GPR21: variants seen among roughly 807,000 people sequenced by gnomAD.
GPR21 encodes the protein G protein-coupled receptor 21.
In GPR21, 9 loss-of-function variants were observed where a neutral mutation model predicts 21.5. The observed-to-expected ratio is 0.42, with a 90% CI of 0.25 to 0.73. The LOEUF is 0.73. Among genes scored for constraint, GPR21 ranks in the 30% least tolerant of loss-of-function variants. The pLI is 0.27. For missense variants in GPR21, 416 were observed against 428.9 expected (o/e 0.97, Z 0.27); for synonymous variants, 169 against 159.3 (o/e 1.06, Z -0.46).
At chr9:123,042,361 GA>G in the GPR21 span, among the ~76,000 whole-genome samples, 1 of 152,090 alleles carries the variant, frequency 6.6e-6, no homozygotes, top group African/African-American at 2.4e-5. Context: ...GCACTTTTGA[GA>G]AAAAGTTCTC....
At position 123,034,948 on chromosome 9, in the gene GPR21, T is replaced by C; in HGVS notation, c.382T>C (p.Tyr128His). The change falls in exon 2 of 2, where the codon TAC becomes CAC. Residue 128 changes from tyrosine (Y) to histidine (H), a missense_variant. Transcript: ENST00000616002. ...TCTGGCCTGTATCAGCATTGATAGA[T>C]ACATTGCCATTACTAAACCTTTAAC... ...ASLACISIDR[Y>H]IAITKPLTYN... 1.2e-6 allele frequency: 2 copies of C among 1,612,952 alleles called. No homozygotes were observed. Among genetic ancestry groups the C allele is most frequent in the Non-Finnish European group, 1.7e-6 (2 of 1,178,944 alleles).
chr9:123,039,090 C>T (rs1178346387), downstream of GPR21, among the ~76,000 whole-genome samples: 1 of 152,086 alleles, frequency 6.6e-6, no homozygotes, highest in Admixed American at 6.6e-5. Context: ...AAAATCATTA[C>T]TGTTATTTGT....
rs2131997821 is a variant in GPR21 at position 123,035,601 on chromosome 9, T to A, written c.1035T>A (p.Asn345Lys). The A allele has an allele frequency of 6.3e-7, 1 of 1,588,678 alleles. No individual in the cohort carries two copies. Among genetic ancestry groups the A allele is most frequent in the Non-Finnish European group, 8.5e-7 (1 of 1,170,542 alleles). Residue 345 changes from asparagine (N) to lysine (K), a missense_variant, in exon 2 of 2, where the codon AAT becomes AAA. By Grantham distance (94) the Asn-to-Lys change is moderately conservative (BLOSUM62 0). Coordinates refer to ENST00000616002, the MANE Select transcript of GPR21 (RefSeq NM_005294.3). ...CAGTTAGAAGCAAAGGCCCTCTTAA[T>A]GGATGTCATATCTGAAGTGGCTCAG... is the stretch of plus-strand genomic sequence containing the variant. ...PYTVRSKGPLNGCHI is the reference protein window; with the variant it reads ...PYTVRSKGPLKGCHI
At chr9:123,037,785 T>C (rs1014655893), downstream of GPR21, among the ~76,000 whole-genome samples, 1 of 152,146 alleles carries the variant, frequency 6.6e-6, no homozygotes, top group African/African-American at 2.4e-5. Flanking sequence ...TCCCCTTTAG[T>C]GGCTGGGGGT....
the GPR21 span, among the ~76,000 whole-genome samples, chr9:123,043,156 G>A: frequency 6.6e-6 from 1 of 152,136 alleles, no homozygotes; most frequent in Non-Finnish European, 1.5e-5. Flanking sequence ...GTACTTTCTC[G>A]GGAAGTTACT....
chr9:123,044,649 G>GTGTGTGTGTA, the GPR21 span, among the ~76,000 whole-genome samples: 5 of 151,990 alleles, frequency 3.3e-5, no homozygotes, highest in African/African-American at 1.2e-4. Flanking sequence ...GTGTGTGTGT[G>GTGTGTGTGTA]TGTGTATGTG....
chr9:123,041,955 A>C, the GPR21 span, among the ~76,000 whole-genome samples: 2 of 152,078 alleles, frequency 1.3e-5, no homozygotes, highest in Admixed American at 1.3e-4. Context: ...TCCCCATCCC[A>C]CCTGAATCCC....
chr9:123,045,977 T>G, the GPR21 span, among the ~76,000 whole-genome samples: 1 of 152,206 alleles, frequency 6.6e-6, no homozygotes, highest in East Asian at 1.9e-4. Flanking sequence ...GACTTCCAGG[T>G]CCTGCAAATT....
chr9:123,035,679 T>C, downstream of GPR21: 5 of 530,360 alleles, frequency 9.4e-6, no homozygotes, highest in South Asian at 1.4e-4. Flanking sequence ...TGTGTGTGTG[T>C]GTGTATTTTA....
rs773579952 is a variant in GPR21 at position 123,035,412 on chromosome 9, C to G, written c.846C>G (p.Asn282Lys). 3 of 1,614,190 alleles carry G rather than the reference C, an allele frequency of 1.9e-6. No individual in the cohort carries two copies. The highest frequency in any genetic ancestry group is 2.2e-5 in the South Asian group (2 of 91,088). The change falls in exon 2 of 2, where the codon AAC becomes AAG. Residue 282 changes from asparagine to lysine, a missense_variant. By Grantham distance (94) the Asn-to-Lys change is moderately conservative (BLOSUM62 0). Transcript: ENST00000616002. ...TGGAAAGCTCCACTGGCCACAGCAA[C>G]CGCTTCGCATCCTTCTTGACCACCT... ...FLLESSTGHSNRFASFLTTWL... is the reference protein window; with the variant it reads ...FLLESSTGHSKRFASFLTTWL...
chr9:123,039,354 G>T (rs1417254824), downstream of GPR21, among the ~76,000 whole-genome samples: 1 of 152,126 alleles, frequency 6.6e-6, no homozygotes, highest in Non-Finnish European at 1.5e-5. Context: ...TATCTGTCTG[G>T]TTAATATCTT....
At chr9:123,042,566 T>C in the GPR21 span, among the ~76,000 whole-genome samples, 53 of 152,280 alleles carry the variant, frequency 3.5e-4, no homozygotes, top group East Asian at 9.7e-4. Flanking sequence ...GAAAGAACTC[T>C]TGCAATTTAA....
the GPR21 span, among the ~76,000 whole-genome samples, chr9:123,043,716 T>C: frequency 6.6e-6 from 1 of 151,754 alleles, no homozygotes; most frequent in African/African-American, 2.4e-5. Flanking sequence ...ATGTCTAAAG[T>C]GGAAAAACCC....
chr9:123,037,061 C>G (rs1396855796), downstream of GPR21, among the ~76,000 whole-genome samples: 4 of 152,136 alleles, frequency 2.6e-5, no homozygotes, highest in African/African-American at 9.7e-5. Context: ...CTTCAAGGGA[C>G]TTACTTGATC....
chr9:123,033,753 G>T lies in GPR21; in HGVS notation c.-397+11G>T, dbSNP rs868306135. Reference sequence around the variant, plus strand: ...CATGCAGAATTACAGGTAACATTCTGAAATTGAACTAAACAGTAAATTCTG... The same window carrying T: ...CATGCAGAATTACAGGTAACATTCTTAAATTGAACTAAACAGTAAATTCTG... On this transcript the variant is annotated intron_variant, in intron 1 of 1. Transcript: ENST00000616002. 1.1e-4 allele frequency: 16 copies of T among 152,174 alleles called. No individual in the cohort carries two copies. The highest frequency in any genetic ancestry group is 3.9e-4 in the African/African-American group (16 of 41,440). 9.4% of individuals were successfully genotyped at this position (152,174 alleles called of 1,614,324 possible).
downstream of GPR21, among the ~76,000 whole-genome samples, chr9:123,036,051 C>T: frequency 6.6e-6 from 1 of 152,168 alleles, no homozygotes; most frequent in East Asian, 1.9e-4. Context: ...TTGATTTCTT[C>T]TAACGGAATA....
the GPR21 span, among the ~76,000 whole-genome samples, chr9:123,041,426 T>A: frequency 1.3e-5 from 2 of 152,224 alleles, no homozygotes; most frequent in African/African-American, 4.8e-5. Context: ...GTTAAGAAGC[T>A]TCTAAGGTTA....
In GPR21 at chr9:123,035,334, A is replaced by G; in HGVS notation, c.768A>G (p.Arg256=). 6.2e-7 allele frequency: 1 copy of G among 1,614,164 alleles called. No individual in the cohort carries two copies. The highest frequency in any genetic ancestry group is 8.5e-7 in the Non-Finnish European group (1 of 1,180,018). The stretch of plus-strand genomic sequence containing the variant: ...AGCGCTATGCCATGGTCCTGTTTCG[A>G]ATCACTAGTGTATTTTACATCCTCT... ...PDKRYAMVLF[R]ITSVFYILWL... The change falls in exon 2 of 2, where the codon CGA becomes CGG. Residue 256 remains arginine, a synonymous_variant. Coordinates refer to ENST00000616002, the MANE Select transcript of GPR21 (RefSeq NM_005294.3).
downstream of GPR21, among the ~76,000 whole-genome samples, chr9:123,036,064 A>C (rs955727653): frequency 5.3e-5 from 8 of 152,230 alleles, no homozygotes; most frequent in African/African-American, 1.9e-4. Flanking sequence ...ACGGAATAGT[A>C]AAATATAAAT....
Sources: gnomAD v4.1 joint callset for allele counts (sites outside exome capture counted in the v4.1 genomes callset) on GRCh38, gnomAD v4.1.1 for gene constraint, MANE v1.5 for transcripts, NCBI Gene and HGNC (gene_info 2026-07-23, HGNC 2026-07-21) for gene names.